REV3L: variants seen among roughly 807,000 people sequenced by gnomAD.
The protein encoded by REV3L is DNA polymerase zeta catalytic subunit.
A neutral mutation model predicts 299.4 loss-of-function variants in REV3L; 69 were observed. The observed-to-expected ratio is 0.23, with a 90% CI of 0.19 to 0.28. REV3L has a LOEUF of 0.28. Among genes scored for constraint, REV3L ranks in the 10% least tolerant of loss-of-function variants. REV3L has a pLI of 1.00. For missense variants in REV3L, 3,128 were observed against 3,693.8 expected (o/e 0.85, Z 3.97); for synonymous variants, 1,238 against 1,271.4 (o/e 0.97, Z 0.56).
chr6:111,310,400 T>C, intron 29 of REV3L: 1 of 192,394 alleles, frequency 5.2e-6, no homozygotes, highest in Non-Finnish European at 1.0e-5. Flanking sequence ...GGCTCATGCC[T>C]GTAATTCCAG....
chr6:111,322,637 T>C lies in REV3L; in HGVS notation c.8283A>G (p.Glu2761=). The C allele has an allele frequency of 6.2e-7, 1 of 1,614,132 alleles. No homozygotes were observed. Among genetic ancestry groups the C allele is most frequent in the Non-Finnish European group, 8.5e-7 (1 of 1,179,988 alleles). The part of the protein sequence containing the change: ...SIVHKARETL[E]RAIKLVNDTK... Reference sequence around the variant, plus strand: ...TATCATTCACCAGTTTAATAGCTCGTTCCAAGGTCTCTCTGGCTTTGTGAA... The same window carrying C: ...TATCATTCACCAGTTTAATAGCTCGCTCCAAGGTCTCTCTGGCTTTGTGAA... The change falls in exon 26 of 32, where the codon GAA becomes GAG. Residue 2761 remains glutamate, a synonymous_variant. Transcript: ENST00000368802.
At chr6:111,455,439 G>T (rs903336569) in intron 1 of REV3L, among the ~76,000 whole-genome samples, 2 of 152,198 alleles carry the variant, frequency 1.3e-5, no homozygotes, top group African/African-American at 4.8e-5. Flanking sequence ...GGGAGAAGCA[G>T]AAGATGATGC....
At chr6:111,317,532 G>A (rs1201111398) in intron 26 of REV3L, among the ~76,000 whole-genome samples, 1 of 152,108 alleles carries the variant, frequency 6.6e-6, no homozygotes, top group African/African-American at 2.4e-5. Flanking sequence ...TGTTACCGAG[G>A]CTGGAGTGCA....
chr6:111,373,777 T>C lies in REV3L; in HGVS notation c.4578A>G (p.Gly1526=). Residue 1526 remains glycine, a synonymous_variant, in exon 13 of 32, where the codon GGA becomes GGG. Coordinates refer to ENST00000368802, the MANE Select transcript of REV3L (RefSeq NM_001372078.1). ...GTAACAATTCTTTTAGAACTGCCAGTCCAGACTGTCCTTCACCAAATGCTG... is the reference window on the plus strand; with the variant it reads ...GTAACAATTCTTTTAGAACTGCCAGCCCAGACTGTCCTTCACCAAATGCTG... ...TPSAFGEGQS[G]LAVLKELLQK... The C allele has an allele frequency of 6.2e-7, 1 of 1,614,136 alleles. No homozygotes were observed. Among genetic ancestry groups the C allele is most frequent in the Non-Finnish European group, 8.5e-7 (1 of 1,179,984 alleles).
intron 1 of REV3L, among the ~76,000 whole-genome samples, chr6:111,448,207 C>G (rs1305151716): frequency 1.8e-4 from 28 of 152,164 alleles, no homozygotes; most frequent in Admixed American, 1.8e-3. Context: ...ATGGGAAGAA[C>G]TGTGTGGAAA....
At position 111,376,115 on chromosome 6, in the gene REV3L, A is replaced by G; in HGVS notation, c.2240T>C (p.Leu747Pro). 1 of 1,613,362 alleles carries G rather than the reference A, an allele frequency of 6.2e-7. No individual in the cohort carries two copies. Among genetic ancestry groups the G allele is most frequent in the South Asian group, 1.1e-5 (1 of 91,080 alleles). Reference sequence around the variant, plus strand: ...AGTTCTATTCTCCCCTGAGCATGACAGTAATTCACAATTTTCAGTAAATGA... The same window carrying G: ...AGTTCTATTCTCCCCTGAGCATGACGGTAATTCACAATTTTCAGTAAATGA... ...PSSFTENCEL[L>P]SCSGENRTMV... The change falls in exon 13 of 32, where the codon CTG (leucine) becomes CCG (proline). Residue 747 changes from leucine (L) to proline (P), a missense_variant. By Grantham distance (98) the Leu-to-Pro change is moderately conservative. Coordinates refer to ENST00000368802, the MANE Select transcript of REV3L (RefSeq NM_001372078.1).
At chr6:111,395,902 C>T (rs1268666961) in intron 4 of REV3L, among the ~76,000 whole-genome samples, 8 of 152,156 alleles carry the variant, frequency 5.3e-5, no homozygotes, top group Admixed American at 5.2e-4. Flanking sequence ...CATGAAGGGA[C>T]ATTGAATTTT....
intron 1 of REV3L, among the ~76,000 whole-genome samples, chr6:111,481,113 T>C (rs927875641): frequency 6.6e-6 from 1 of 152,242 alleles, no homozygotes; most frequent in Non-Finnish European, 1.5e-5. Flanking sequence ...GAAAAAATTA[T>C]GTGTGGAAAA....
chr6:111,450,492 A>AAAAAAC (rs1789386336), intron 1 of REV3L, among the ~76,000 whole-genome samples: 1 of 150,580 alleles, frequency 6.6e-6, no homozygotes, highest in African/African-American at 2.4e-5. Flanking sequence ...AAAAAAAAAA[A>AAAAAAC]AAAAAAAAAA....
chr6:111,447,442 T>C (rs2128313345), intron 1 of REV3L, among the ~76,000 whole-genome samples: 1 of 152,342 alleles, frequency 6.6e-6, no homozygotes, highest in Admixed American at 6.5e-5. Flanking sequence ...GTCACGACTC[T>C]AAGGAAAGTA....
intron 7 of REV3L, 44 bp downstream of exon 7, chr6:111,389,062 A>T: frequency 7.1e-7 from 1 of 1,410,334 alleles, no homozygotes; most frequent in African/African-American, 1.4e-5. Flanking sequence ...TTCCATTAAA[A>T]TACTTGATTT....
chr6:111,463,163 G>GT (rs1790999699), intron 1 of REV3L, among the ~76,000 whole-genome samples: 2 of 152,176 alleles, frequency 1.3e-5, no homozygotes, highest in Non-Finnish European at 2.9e-5. Flanking sequence ...GCTGTTAACG[G>GT]TATAAGTACC....
chr6:111,337,505 T>C (rs1338028446), intron 21 of REV3L, among the ~76,000 whole-genome samples: 1 of 152,190 alleles, frequency 6.6e-6, no homozygotes, highest in African/African-American at 2.4e-5. Context: ...TTTTTAAAGC[T>C]AAGTCTTTAT....
At chr6:111,371,365 G>A (rs188971564) in intron 13 of REV3L, among the ~76,000 whole-genome samples, 14 of 152,046 alleles carry the variant, frequency 9.2e-5, no homozygotes, top group African/African-American at 3.1e-4. Flanking sequence ...GTGTGCGTGC[G>A]CTCACATGTT....
intron 3 of REV3L, among the ~76,000 whole-genome samples, chr6:111,408,713 C>A (rs1582878778): frequency 6.6e-6 from 1 of 152,150 alleles, no homozygotes. Flanking sequence ...CTGATATTTA[C>A]CATATTAGAA....
rs1001635081 is a variant in REV3L at position 111,345,783 on chromosome 6, T to G, written c.7420-1740A>C. On this transcript the variant is annotated intron_variant, in intron 20 of 31. Transcript: ENST00000368802. ...CTTTCCTGCTGCTGCCGCCTTTTTT[T>G]TTTTAATTTTTAAAGCAAATCCATA... Among the ~76,000 whole-genome samples the G allele has an allele frequency of 6.6e-5, 10 of 152,244 alleles. No homozygotes were observed. The East Asian group carries it at 1.9e-3, about 29-fold the overall frequency.
At chr6:111,407,806 G>A (rs183284444) in intron 3 of REV3L, among the ~76,000 whole-genome samples, 63 of 152,138 alleles carry the variant, frequency 4.1e-4, no homozygotes, top group Admixed American at 3.7e-3. Context: ...ACGTGGTGGT[G>A]GTGCCTGTAA....
intron 1 of REV3L, among the ~76,000 whole-genome samples, chr6:111,439,749 C>T (rs1022456153): frequency 3.3e-5 from 5 of 152,188 alleles, no homozygotes; most frequent in Admixed American, 2.0e-4. Context: ...GTCTGCTGCC[C>T]GTTTGACCCA....
chr6:111,313,334 AAGAT>A lies in REV3L; in HGVS notation c.8604+14_8604+17del. On this transcript the variant is annotated intron_variant, in intron 28 of 31. Coordinates refer to ENST00000368802, the MANE Select transcript of REV3L (RefSeq NM_001372078.1). ...CCACTTATTTCTTACAGATGAAGAC[AAGAT>A]AGATAAACCTTACCTTAGAAACAGC... 1.3e-6 allele frequency: 2 copies of A among 1,597,932 alleles called. No homozygotes were observed. Among genetic ancestry groups the A allele is most frequent in the Non-Finnish European group, 1.7e-6 (2 of 1,175,312 alleles).
Sources: gnomAD v4.1 joint callset for allele counts (sites outside exome capture counted in the v4.1 genomes callset) on GRCh38, gnomAD v4.1.1 for gene constraint, MANE v1.5 for transcripts, NCBI Gene and HGNC (gene_info 2026-07-23, HGNC 2026-07-21) for gene names.